Variants in SLC4A1 observed in about 807,000 individuals in gnomAD.
SLC4A1 encodes the protein band 3 anion transport protein.
A neutral mutation model predicts 93.1 loss-of-function variants in SLC4A1; 29 were observed. The observed-to-expected ratio is 0.31, with a 90% CI of 0.23 to 0.42. The LOEUF (loss-of-function observed/expected upper bound fraction) is 0.42. Among genes scored for constraint, SLC4A1 ranks in the 20% least tolerant of loss-of-function variants. SLC4A1 has a pLI of 1.00. For synonymous variants in SLC4A1, 469 were observed against 497.2 expected (o/e 0.94, Z 0.76); for missense variants, 965 against 1,190.1 (o/e 0.81, Z 2.78).
intron 4 of SLC4A1, 81 bp from the exon 5 acceptor site, chr17:44,260,896 T>C: frequency 6.7e-7 from 1 of 1,500,258 alleles, no homozygotes; most frequent in South Asian, 1.1e-5. Flanking sequence ...GAGAGAGGCT[T>C]GTGCTTGTGA....
In SLC4A1 at chr17:44,253,245, G is replaced by A. The variant is rs150858709; in HGVS notation, c.2184C>T (p.Thr728=). ...CGTTGGCATGGGTGACGGAACGCAC[G>A]GTGGTGGCACTGAGCCAGGGCATCC... ...LFGMPWLSAT[T]VRSVTHANAL... Residue 728 remains threonine (T), a synonymous_variant, in exon 17 of 20, where the codon ACC becomes ACT. Transcript: ENST00000262418. 18 of 1,614,002 alleles carry A rather than the reference G, an allele frequency of 1.1e-5. No individual in the cohort carries two copies. In the African/African-American group the frequency reaches 1.2e-4, roughly 11 times the overall value.
chr17:44,257,587 G>A (rs764206546), intron 12 of SLC4A1, 43 bp from the exon 13 acceptor site: 6 of 1,613,084 alleles, frequency 3.7e-6, no homozygotes, highest in Non-Finnish European at 5.1e-6. Flanking sequence ...AAGGGTCTTG[G>A]GGCAAGGCAC....
intron 16 of SLC4A1, 34 bp downstream of exon 16, chr17:44,254,462 C>T: frequency 1.6e-6 from 2 of 1,234,934 alleles, no homozygotes; most frequent in Non-Finnish European, 2.4e-6. Flanking sequence ...CTGCCTCCCA[C>T]CCTCCCAGGC....
chr17:44,255,797 A>G lies in SLC4A1; in HGVS notation c.1676T>C (p.Met559Thr). 1.2e-6 allele frequency: 2 copies of G among 1,614,186 alleles called. No homozygotes were observed. The highest frequency in any genetic ancestry group is 1.7e-6 in the Non-Finnish European group (2 of 1,180,030). ...LQKTYNYNVL[M>T]VPKPQGPLPN... is the part of the protein sequence containing the mutation. ...CAGGGGGCCCTGAGGTTTGGGCACC[A>G]TCAACACGTTGTAGTTATAAGTCTT... Residue 559 changes from methionine to threonine, a missense_variant, in exon 14 of 20, where the codon ATG (methionine) becomes ACG (threonine). Around this residue, in one of 2 missense-constraint regions of SLC4A1, gnomAD observed 770 missense variants for 1,006.6 expected, o/e 0.76. Transcript: ENST00000262418.
At chr17:44,252,607 C>T (rs1314593184) in intron 17 of SLC4A1, among the ~76,000 whole-genome samples, 1 of 152,188 alleles carries the variant, frequency 6.6e-6, no homozygotes. Context: ...GAACCCAGCT[C>T]GACTCTTGGC....
intron 1 of SLC4A1, among the ~76,000 whole-genome samples, chr17:44,265,300 G>C (rs1205937421): frequency 2.6e-5 from 4 of 152,114 alleles, no homozygotes; most frequent in Admixed American, 6.5e-5. Flanking sequence ...AGAAGAGCAG[G>C]ACGCGTTTGC....
rs545536327 is a variant in SLC4A1, at chr17:44,259,340, G to A, written c.699C>T (p.Arg233=). The A allele has an allele frequency of 3.7e-5, 60 of 1,613,474 alleles. No individual in the cohort carries two copies. Among genetic ancestry groups the A allele is most frequent in the East Asian group, 2.2e-4 (10 of 44,862 alleles). The change falls in exon 9 of 20, where the codon CGC becomes CGT. Residue 233 remains arginine (R), a synonymous_variant. Coordinates refer to ENST00000262418, the MANE Select transcript of SLC4A1 (RefSeq NM_000342.4). The part of the protein sequence containing the change: ...DSEATLVLVG[R]ADFLEQPVLG... ...GCACCGGCTGCTCCAGGAAGTCGGCGCGGCCTGTTAGGGGATGAGAAGATC... is the reference window on the plus strand; with the variant it reads ...GCACCGGCTGCTCCAGGAAGTCGGCACGGCCTGTTAGGGGATGAGAAGATC...
At position 44,249,240 on chromosome 17, in the gene SLC4A1, CT is replaced by C. The variant is rs1369028631; in HGVS notation, c.*1217del. 1.1e-5 allele frequency: 5 copies of C among 446,252 alleles called. No homozygotes were observed. The East Asian group carries it at 3.5e-4, about 32-fold the overall frequency. The allele number at this position is 446,252 out of a possible 1,614,324, so 27.6% of individuals were successfully genotyped here. ...TTTCACGTCTTTCAACTCTTTTTATCTTTTTGTTTTATAAAAAAATAAATTT... is the reference window on the plus strand; with the variant it reads ...TTTCACGTCTTTCAACTCTTTTTATCTTTTGTTTTATAAAAAAATAAATTT... On this transcript the variant is annotated 3_prime_UTR_variant, in exon 20 of 20. Coordinates refer to ENST00000262418, the MANE Select transcript of SLC4A1 (RefSeq NM_000342.4).
chr17:44,265,235 T>C (rs1370517714), intron 1 of SLC4A1, among the ~76,000 whole-genome samples: 2 of 151,068 alleles, frequency 1.3e-5, no homozygotes, highest in East Asian at 3.9e-4. Flanking sequence ...GCTTCCGAGG[T>C]GACATGGACC....
At position 44,253,104 on chromosome 17, in the gene SLC4A1, C is replaced by T. The variant is rs1312440759; in HGVS notation, c.2311+14G>A. The T allele has an allele frequency of 1.2e-6, 2 of 1,608,364 alleles. No individual in the cohort carries two copies. The highest frequency in any genetic ancestry group is 1.7e-6 in the Non-Finnish European group (2 of 1,179,984). ...GCAGGAGGATGGTGAAGACGCGACC[C>T]AGCTTTCACTCACCCACAAGCACAG... On this transcript the variant is annotated intron_variant, in intron 17 of 19. Transcript: ENST00000262418.
At chr17:44,253,706 C>T (rs758880715) in intron 16 of SLC4A1, among the ~76,000 whole-genome samples, 3 of 152,016 alleles carry the variant, frequency 2.0e-5, no homozygotes, top group South Asian at 4.2e-4. Flanking sequence ...GAGTCTTGCT[C>T]TGTCGCCCAG....
At position 44,257,494 on chromosome 17, in the gene SLC4A1, G is replaced by A. The variant is rs1292214172; in HGVS notation, c.1482C>T (p.Gly494=). The A allele has an allele frequency of 1.9e-6, 3 of 1,613,912 alleles. No individual in the cohort carries two copies. The highest frequency in any genetic ancestry group is 2.5e-6 in the Non-Finnish European group (3 of 1,179,958). ...ACACCACCAGCAGGATGAGCCAGAA[G>A]CCGATCCACACGCGGCCCACGATGT... is the stretch of plus-strand genomic sequence containing the variant. The part of the protein sequence containing the change: ...LEYIVGRVWI[G]FWLILLVVLV... The change falls in exon 13 of 20, where the codon GGC becomes GGT. Residue 494 remains glycine, a synonymous_variant. Transcript: ENST00000262418.
chr17:44,256,445 A>G (rs1196155324), intron 13 of SLC4A1, among the ~76,000 whole-genome samples: 1 of 152,110 alleles, frequency 6.6e-6, no homozygotes, highest in Non-Finnish European at 1.5e-5. Flanking sequence ...ACACAGAAAG[A>G]CCCTCCATCC....
chr17:44,265,385 T>G (rs1338268459), intron 1 of SLC4A1, among the ~76,000 whole-genome samples: 1 of 151,972 alleles, frequency 6.6e-6, no homozygotes, highest in Admixed American at 6.6e-5. Flanking sequence ...TTTTCTTGTT[T>G]TTGAGACACA....
rs758199798 is a variant in SLC4A1 at position 44,250,452 on chromosome 17, C to G, written c.*6G>C. The G allele has an allele frequency of 1.2e-6, 2 of 1,608,330 alleles. No individual in the cohort carries two copies. The highest frequency in any genetic ancestry group is 1.3e-5 in the African/African-American group (1 of 74,822). On this transcript the variant is annotated 3_prime_UTR_variant, in exon 20 of 20. Transcript: ENST00000262418. ...TGGGGGAGGGTCTAGGGCCTGGGCC[C>G]GCCCCTCACACAGGCATGGCCACTT...
At chr17:44,250,600 C>A (rs900133001) in intron 19 of SLC4A1, 62 bp from the exon 20 acceptor site, 2 of 1,396,784 alleles carry the variant, frequency 1.4e-6, no homozygotes, top group Admixed American at 1.7e-5. Flanking sequence ...GAGCCCTCCC[C>A]GGGCACGAAA....
At chr17:44,259,977 T>A (rs2144619155) in intron 6 of SLC4A1, 45 bp from the exon 7 acceptor site, 1 of 1,610,076 alleles carries the variant, frequency 6.2e-7, no homozygotes, top group East Asian at 2.2e-5. Context: ...CTGTTCAGGC[T>A]GAGCTATCAG....
intron 1 of SLC4A1, among the ~76,000 whole-genome samples, chr17:44,263,582 C>G (rs554671818): frequency 6.6e-6 from 1 of 152,314 alleles, no homozygotes; most frequent in South Asian, 2.1e-4. Context: ...CACCCTCCCC[C>G]CAATACCTCA....
chr17:44,255,343 A>C (rs1598298217), intron 14 of SLC4A1, 47 bp from the exon 15 acceptor site: 12 of 1,419,758 alleles, frequency 8.5e-6, no homozygotes, highest in Non-Finnish European at 1.2e-5. Flanking sequence ...GTCACTCCCC[A>C]CCTCCTGCCT....
Sources: gnomAD v4.1 joint callset for allele counts (sites outside exome capture counted in the v4.1 genomes callset) on GRCh38, gnomAD v4.1.1 for gene constraint, gnomAD v4.1.1 regional missense constraint, MANE v1.5 for transcripts, NCBI Gene and HGNC (gene_info 2026-07-23, HGNC 2026-07-21) for gene names.